Variants in PTK2 observed in about 807,000 individuals in gnomAD.
PTK2 encodes the protein protein tyrosine kinase 2.
Under a neutral mutation model 150.1 loss-of-function variants are expected in PTK2, and 45 were observed. The observed-to-expected ratio is 0.30, with a 90% CI of 0.24 to 0.38. The LOEUF (loss-of-function observed/expected upper bound fraction) is 0.38. Ranked by LOEUF, PTK2 falls within the 10% of genes least tolerant of loss-of-function variation. The pLI, the probability that PTK2 is intolerant of heterozygous loss-of-function variation, is 1.00. For missense variants in PTK2, 919 were observed against 1,307.3 expected (o/e 0.70, Z 4.58); for synonymous variants, 432 against 449.2 (o/e 0.96, Z 0.48).
intron 2 of PTK2, among the ~76,000 whole-genome samples, chr8:140,918,303 A>C (rs76530073): frequency 0.011 from 1,616 of 152,292 alleles, 28 homozygotes; most frequent in East Asian, 0.094. Flanking sequence ...AGGATTTAAC[A>C]ACCAAATATC....
At chr8:140,672,288 C>A (rs915007732) in intron 29 of PTK2, 1 of 330,994 alleles carries the variant, frequency 3.0e-6, no homozygotes. Context: ...CTCAGCCTCC[C>A]GAGTAGCTGG....
At chr8:140,800,982 G>A (rs1238442160) in intron 11 of PTK2, among the ~76,000 whole-genome samples, 1 of 152,178 alleles carries the variant, frequency 6.6e-6, no homozygotes, top group Non-Finnish European at 1.5e-5. Flanking sequence ...AATTTCTAAT[G>A]TAAAAGAAAA....
chr8:140,893,490 G>A (rs1005486213), intron 2 of PTK2, among the ~76,000 whole-genome samples: 3 of 152,132 alleles, frequency 2.0e-5, no homozygotes, highest in African/African-American at 4.8e-5. Context: ...GATACATGCC[G>A]CAACATGGAG....
At chr8:140,714,180 A>G (rs1286121856) in intron 23 of PTK2, among the ~76,000 whole-genome samples, 2 of 152,188 alleles carry the variant, frequency 1.3e-5, no homozygotes, top group Non-Finnish European at 2.9e-5. Flanking sequence ...GAGTCACCAC[A>G]CCCGGCCTGT....
intron 29 of PTK2, chr8:140,672,289 G>A (rs1398345308): frequency 5.7e-5 from 19 of 335,986 alleles, no homozygotes; most frequent in South Asian, 2.8e-4. Flanking sequence ...TCAGCCTCCC[G>A]AGTAGCTGGG....
At chr8:140,837,718 GA>G (rs1384685090) in intron 7 of PTK2, among the ~76,000 whole-genome samples, 8 of 151,850 alleles carry the variant, frequency 5.3e-5, no homozygotes, top group African/African-American at 1.9e-4. Context: ...AACAGAGAGA[GA>G]CTCTGTCTCA....
intron 14 of PTK2, among the ~76,000 whole-genome samples, chr8:140,777,628 AACTCCCATTAGCTTCCTGTAGGTC>A (rs1422916387): frequency 6.6e-6 from 1 of 152,142 alleles, no homozygotes; most frequent in Non-Finnish European, 1.5e-5. Flanking sequence ...TCCATAACTA[AACTCCCATTAGCTTCCTGTAGGTC>A]ACTGCAGTAA....
chr8:140,703,682 G>A (rs1307140230), intron 24 of PTK2, among the ~76,000 whole-genome samples: 1 of 152,138 alleles, frequency 6.6e-6, no homozygotes, highest in Admixed American at 6.5e-5. Flanking sequence ...AGGGTAAGTC[G>A]TACCTTTAAG....
chr8:140,719,887 C>CAAAAAAAAAA, intron 22 of PTK2, among the ~76,000 whole-genome samples: 1 of 90,890 alleles, frequency 1.1e-5, no homozygotes, highest in Non-Finnish European at 2.0e-5. Context: ...CTTGTCTCAC[C>CAAAAAAAAAA]AAAAAAAAAA....
At chr8:140,999,336 GATT>G (rs1203381133) in intron 1 of PTK2, among the ~76,000 whole-genome samples, 1 of 152,188 alleles carries the variant, frequency 6.6e-6, no homozygotes, top group African/African-American at 2.4e-5. Flanking sequence ...TATTAAACTA[GATT>G]ATTTGATAGT....
At chr8:140,910,293 GGT>G (rs1449782624) in intron 2 of PTK2, among the ~76,000 whole-genome samples, 1 of 151,762 alleles carries the variant, frequency 6.6e-6, no homozygotes, top group Non-Finnish European at 1.5e-5. Context: ...CTCCCTCCCT[GGT>G]TAACAAGGTT....
intron 1 of PTK2, among the ~76,000 whole-genome samples, chr8:140,960,572 G>A (rs962354351): frequency 6.6e-6 from 1 of 152,036 alleles, no homozygotes; most frequent in Non-Finnish European, 1.5e-5. Flanking sequence ...ATCCATCAAT[G>A]GTTTTACACC....
intron 30 of PTK2, 32 bp from the exon 35 acceptor site, chr8:140,665,029 A>C: frequency 3.2e-6 from 5 of 1,564,330 alleles, no homozygotes; most frequent in African/African-American, 1.4e-5. Context: ...CAATATTAGA[A>C]CACACACAAA....
In PTK2 at chr8:140,780,828, T is replaced by C. The variant is rs547577674; in HGVS notation, c.1177+8646A>G. On this transcript the variant is annotated intron_variant, in intron 14 of 31. Coordinates refer to ENST00000522684, the Ensembl canonical transcript of PTK2. ...TAGAATAACCAATAGGGATTATGTG[T>C]GTATGTAAGTGGACAGAGGCAGAGG... Among the ~76,000 whole-genome samples the C allele has an allele frequency of 1.9e-3, 286 of 152,322 alleles. 2 individuals carry two copies. Among genetic ancestry groups the C allele is most frequent in the South Asian group, 3.5e-3 (17 of 4,826 alleles).
At chr8:140,680,253 G>A (rs1219599916) in intron 27 of PTK2, among the ~76,000 whole-genome samples, 1 of 152,090 alleles carries the variant, frequency 6.6e-6, no homozygotes, top group East Asian at 1.9e-4. Context: ...CTAAGACAGA[G>A]TTTTGCTCTT....
At chr8:140,736,436 T>C (rs947947338) in intron 21 of PTK2, among the ~76,000 whole-genome samples, 8 of 151,964 alleles carry the variant, frequency 5.3e-5, no homozygotes, top group African/African-American at 1.7e-4. Flanking sequence ...GTTCACTATT[T>C]GGGTGATAGG....
intron 23 of PTK2, among the ~76,000 whole-genome samples, chr8:140,716,200 A>C (rs1290305232): frequency 6.6e-6 from 1 of 152,178 alleles, no homozygotes; most frequent in Non-Finnish European, 1.5e-5. Context: ...GCAGACCCCC[A>C]TGTGAATGAA....
exon 32 of PTK2, chr8:140,658,985 C>G (rs1367898876): frequency 4.4e-6 from 1 of 225,962 alleles, no homozygotes; most frequent in Non-Finnish European, 8.8e-6. Flanking sequence ...GAAGGGTGTT[C>G]TAACAAACAA....
intron 23 of PTK2, among the ~76,000 whole-genome samples, chr8:140,706,534 G>A (rs1403476176): frequency 1.3e-5 from 2 of 152,190 alleles, no homozygotes; most frequent in Non-Finnish European, 2.9e-5. Context: ...GGCAGGGCAT[G>A]GTAGCTCATG....
Sources: gnomAD v4.1 joint callset for allele counts (sites outside exome capture counted in the v4.1 genomes callset) on GRCh38, gnomAD v4.1.1 for gene constraint, MANE v1.5 for transcripts, NCBI Gene and HGNC (gene_info 2026-07-23, HGNC 2026-07-21) for gene names.